The following CFAP92 variants were observed in gnomAD, a reference collection of about 807,000 sequenced individuals.
The protein encoded by CFAP92 is uncharacterized protein CFAP92.
A neutral mutation model predicts 106.3 loss-of-function variants in CFAP92; 86 were observed. That is an observed-to-expected ratio of 0.81 (90% CI 0.68 to 0.97). CFAP92 has a LOEUF of 0.97. Ranked by LOEUF, CFAP92 falls within the 50% of genes least tolerant of loss-of-function variation. CFAP92 has a pLI of 0.00. For missense variants in CFAP92, 1,204 were observed against 1,283.8 expected, an observed-to-expected ratio of 0.94 and a Z score of 0.95; for synonymous variants, 477 against 506.4, an observed-to-expected ratio of 0.94 and a Z score of 0.78.
intron 9 of CFAP92, among the ~76,000 whole-genome samples, chr3:128,958,378 TTACA>T (rs1370268578): frequency 1.3e-5 from 2 of 152,204 alleles, no homozygotes; most frequent in African/African-American, 4.8e-5. Flanking sequence ...GCTGTGACAG[TTACA>T]TACATGTACA....
At chr3:128,980,823 C>CTTCT (rs1404844202) in intron 4 of CFAP92, among the ~76,000 whole-genome samples, 1 of 152,200 alleles carries the variant, frequency 6.6e-6, no homozygotes, top group Non-Finnish European at 1.5e-5. Context: ...GTCACATCCT[C>CTTCT]AGGCTCCACT....
chr3:128,980,135 C>T (rs1164742159), intron 4 of CFAP92, among the ~76,000 whole-genome samples: 1 of 151,624 alleles, frequency 6.6e-6, no homozygotes, highest in Non-Finnish European at 1.5e-5. Context: ...CTGTGGGAGA[C>T]TGAGATAAGA....
At chr3:128,925,540 A>G (rs1204716890) in intron 12 of CFAP92, among the ~76,000 whole-genome samples, 1 of 152,214 alleles carries the variant, frequency 6.6e-6, no homozygotes, top group Non-Finnish European at 1.5e-5. Context: ...AATAAAAAGT[A>G]TGAGATGTAT....
chr3:128,912,141 C>T (rs1191392855), intron 15 of CFAP92, among the ~76,000 whole-genome samples: 2 of 152,200 alleles, frequency 1.3e-5, no homozygotes, highest in Non-Finnish European at 2.9e-5. Flanking sequence ...GGTCCTAGCC[C>T]TGGGGGTAGC....
In CFAP92 at chr3:128,977,813, C is replaced by G. The variant is rs577330243; in HGVS notation, c.808+232G>C. On this transcript the variant is annotated intron_variant, in intron 5 of 15. Coordinates refer to ENST00000645291, the MANE Select transcript of CFAP92 (RefSeq NM_001394090.1). ...GGCAGAGGTTGCAGTGAGCCAAGAT[C>G]GTGCCATTGCATTCCAGCCTGGGGG... is the stretch of plus-strand genomic sequence containing the variant. Among the ~76,000 whole-genome samples, 118 of 152,260 alleles carry G rather than the reference C, an allele frequency of 7.7e-4. 1 individual carries two copies. Among genetic ancestry groups the G allele is most frequent in the African/African-American group, 2.8e-3 (118 of 41,540 alleles).
intron 15 of CFAP92, chr3:128,910,927 C>A: frequency 7.6e-7 from 1 of 1,318,050 alleles, no homozygotes; most frequent in Non-Finnish European, 1.1e-6. Context: ...ACTCACAGAC[C>A]TCTGCCTTGA....
chr3:128,998,640 C>T (rs182516804), upstream of CFAP92, among the ~76,000 whole-genome samples: 214 of 152,222 alleles, frequency 1.4e-3, 2 homozygotes, highest in Middle Eastern at 0.014. Flanking sequence ...ATGGTTTTTG[C>T]GGAGAAAAGC....
chr3:128,964,469 C>A (rs1481902504), intron 9 of CFAP92, among the ~76,000 whole-genome samples: 1 of 151,960 alleles, frequency 6.6e-6, no homozygotes, highest in African/African-American at 2.4e-5. Flanking sequence ...CTCTTGTTTA[C>A]ACTGCCGGTT....
chr3:128,961,416 G>C (rs1469546307), intron 9 of CFAP92, among the ~76,000 whole-genome samples: 1 of 151,892 alleles, frequency 6.6e-6, no homozygotes, highest in Admixed American at 6.6e-5. Flanking sequence ...GGCCGAGCTA[G>C]GTCCCAATTC....
chr3:128,948,096 T>C (rs146106647), intron 9 of CFAP92, among the ~76,000 whole-genome samples: 2 of 152,164 alleles, frequency 1.3e-5, no homozygotes, highest in African/African-American at 4.8e-5. Context: ...TAAAAGAGAA[T>C]GACAAGACAA....
intron 9 of CFAP92, among the ~76,000 whole-genome samples, chr3:128,950,068 T>TA (rs147321311): frequency 0.039 from 5,959 of 152,154 alleles, 299 homozygotes; most frequent in African/African-American, 0.11. Flanking sequence ...ATTTGTTTTT[T>TA]AAAAAAAATA....
chr3:128,936,651 C>G (rs1231913090), intron 10 of CFAP92, among the ~76,000 whole-genome samples: 1 of 152,176 alleles, frequency 6.6e-6, no homozygotes, highest in Non-Finnish European at 1.5e-5. Flanking sequence ...TCCAAGACTA[C>G]TTTTACTCAC....
chr3:128,941,328 TATATTGGCATAATTTGAA>T lies in CFAP92; in HGVS notation c.2258+3725_2258+3742del, dbSNP rs1939602551. 3.9e-5 allele frequency among the ~76,000 whole-genome samples: 6 copies of T among 152,274 alleles called. No homozygotes were observed. In the South Asian group the frequency reaches 8.3e-4, roughly 21 times the overall value. On this transcript the variant is annotated intron_variant, in intron 10 of 15. Transcript: ENST00000645291. ...TTTAAATTTCTTATAATTTTTTAAA[TATATTGGCATAATTTGAA>T]ACACATATCAATGTCTGCAACAACT...
the CFAP92 span, among the ~76,000 whole-genome samples, chr3:129,009,813 G>T: frequency 6.6e-6 from 1 of 152,230 alleles, no homozygotes; most frequent in Non-Finnish European, 1.5e-5. Flanking sequence ...GAGCAGGCTT[G>T]TCTGGAGGTC....
chr3:128,951,718 A>C (rs1167616558), intron 9 of CFAP92, among the ~76,000 whole-genome samples: 1 of 152,188 alleles, frequency 6.6e-6, no homozygotes, highest in African/African-American at 2.4e-5. Flanking sequence ...GCAGAACAGC[A>C]AACTTTTAGG....
the CFAP92 span, among the ~76,000 whole-genome samples, chr3:129,021,589 C>G: frequency 6.6e-6 from 1 of 151,888 alleles, no homozygotes; most frequent in African/African-American, 2.4e-5. Context: ...AACAAACAAA[C>G]AAACAAAAAA....
At chr3:128,989,106 A>C (rs1172524435) in intron 2 of CFAP92, among the ~76,000 whole-genome samples, 188 bp from the exon 3 acceptor site, 1 of 152,066 alleles carries the variant, frequency 6.6e-6, no homozygotes, top group Admixed American at 6.5e-5. Context: ...TGGGCACCTG[A>C]GTGCAAAATT....
chr3:128,929,159 TC>T (rs1938046961), intron 12 of CFAP92, among the ~76,000 whole-genome samples: 1 of 152,158 alleles, frequency 6.6e-6, no homozygotes, highest in Admixed American at 6.5e-5. Flanking sequence ...CGTTATAAAT[TC>T]CTAATAAGCA....
intron 9 of CFAP92, among the ~76,000 whole-genome samples, chr3:128,949,791 A>G (rs1362293530): frequency 6.6e-6 from 1 of 152,162 alleles, no homozygotes; most frequent in African/African-American, 2.4e-5. Flanking sequence ...GGCTCAAGCA[A>G]TTCTCCTGCT....
Sources: allele counts gnomAD v4.1 joint callset (sites outside exome capture counted in the v4.1 genomes callset), GRCh38; gene constraint gnomAD v4.1.1; transcripts MANE v1.5; gene names NCBI Gene and HGNC (gene_info 2026-07-23, HGNC 2026-07-21).